Variants in IMPG1 observed in about 807,000 individuals in gnomAD.
IMPG1 encodes interphotoreceptor matrix proteoglycan 1, also known as interphotoreceptor matrix proteoglycan of 150 kDa.
In IMPG1, 85 loss-of-function variants were observed where a neutral mutation model predicts 92.0. The ratio of observed to expected loss-of-function variants is 0.92; its 90% CI spans 0.78 to 1.11. The LOEUF (loss-of-function observed/expected upper bound fraction) is 1.11, where lower values mean the gene tolerates loss of function less well. Among genes scored for constraint, IMPG1 ranks in the 50% least tolerant of loss-of-function variants. The probability of loss-of-function intolerance (pLI) is 0.00; values close to 1 mark genes in which losing one functional copy is unlikely to be tolerated. For missense variants in IMPG1, 1,022 were observed against 956.0 expected, an observed-to-expected ratio of 1.07 and a Z score of -0.91; for synonymous variants, 367 against 334.1, an observed-to-expected ratio of 1.10 and a Z score of -1.08.
chr6:75,985,997 T>G (rs1255459636), intron 12 of IMPG1, among the ~76,000 whole-genome samples: 1 of 152,160 alleles, frequency 6.6e-6, no homozygotes, highest in Admixed American at 6.6e-5. Context: ...CCAGGAACCA[T>G]GGGCAGATTG....
chr6:76,066,696 A>G (rs546251824), intron 1 of IMPG1, among the ~76,000 whole-genome samples: 2 of 152,246 alleles, frequency 1.3e-5, no homozygotes, highest in East Asian at 1.9e-4. Context: ...TGTAGACCAA[A>G]TGGACCTAAC....
intron 14 of IMPG1, among the ~76,000 whole-genome samples, chr6:75,933,103 A>C (rs1781690556): frequency 3.3e-5 from 5 of 152,218 alleles, no homozygotes; most frequent in African/African-American, 1.2e-4. Flanking sequence ...TCTATATGCT[A>C]TGCTGCAACA....
At chr6:76,027,335 C>A (rs1346370394) in intron 4 of IMPG1, among the ~76,000 whole-genome samples, 2 of 152,150 alleles carry the variant, frequency 1.3e-5, no homozygotes, top group African/African-American at 2.4e-5. Flanking sequence ...ATTAATTACA[C>A]CCTTAACTAA....
rs1464106599 is a variant in IMPG1, at chr6:76,057,935, TTCTA to T, written c.67+14483_67+14486del. Among the ~76,000 whole-genome samples the T allele has an allele frequency of 4.6e-5, 7 of 152,144 alleles. No homozygotes were observed. The East Asian group carries it at 1.4e-3, about 29-fold the overall frequency. ...AAACTTTAATAATCATTTAGATTGT[TTCTA>T]TCTTTTTCTAAATAAAGGTGTGCTT... On this transcript the variant is annotated intron_variant, in intron 1 of 16. Transcript: ENST00000369950.
At chr6:76,029,399 A>G (rs762053526) in intron 4 of IMPG1, among the ~76,000 whole-genome samples, 29 of 152,262 alleles carry the variant, frequency 1.9e-4, no homozygotes, top group Non-Finnish European at 2.4e-4. Context: ...GTTTAAAACC[A>G]AAGTCTATTT....
At chr6:76,028,636 T>A (rs986814572) in intron 4 of IMPG1, among the ~76,000 whole-genome samples, 1 of 152,168 alleles carries the variant, frequency 6.6e-6, no homozygotes, top group Non-Finnish European at 1.5e-5. Flanking sequence ...GAGATCATCC[T>A]GGCTAACATG....
intron 2 of IMPG1, among the ~76,000 whole-genome samples, chr6:76,038,124 G>T (rs765353434): frequency 6.6e-6 from 1 of 152,128 alleles, no homozygotes; most frequent in Non-Finnish European, 1.5e-5. Flanking sequence ...AGAGATTTCT[G>T]CAGGCAGTCC....
chr6:76,049,541 T>G (rs1313255138), intron 1 of IMPG1, among the ~76,000 whole-genome samples: 1 of 152,214 alleles, frequency 6.6e-6, no homozygotes, highest in African/African-American at 2.4e-5. Flanking sequence ...CCTGGTGTAT[T>G]CAATGTGTGG....
chr6:76,015,517 T>G (rs1783268858), intron 7 of IMPG1, among the ~76,000 whole-genome samples: 1 of 152,098 alleles, frequency 6.6e-6, no homozygotes, highest in Non-Finnish European at 1.5e-5. Flanking sequence ...ACATGCCCAT[T>G]TGGCTGGGTG....
intron 12 of IMPG1, among the ~76,000 whole-genome samples, chr6:75,974,330 C>CTTTCTTT (rs1782473966): frequency 4.1e-5 from 4 of 98,212 alleles, no homozygotes; most frequent in Non-Finnish European, 6.1e-5. Context: ...TCTTTCTTTC[C>CTTTCTTT]CTTTCTTTCT....
chr6:75,921,999 G>T lies in IMPG1; in HGVS notation c.*90C>A. On this transcript the variant is annotated 3_prime_UTR_variant, in exon 17 of 17. Transcript: ENST00000369950. ...GTTGACTGTATGTCTGGATTTTGAT[G>T]ACCCATGAATATGCCTGTCTCCATT... 1.5e-6 allele frequency: 1 copy of T among 668,034 alleles called. No homozygotes were observed. The highest frequency in any genetic ancestry group is 1.6e-5 in the South Asian group (1 of 62,180). The allele number at this position is 668,034 out of a possible 1,614,324, so 41.4% of individuals were successfully genotyped here.
At position 75,923,724 on chromosome 6, in the gene IMPG1, A is replaced by C; in HGVS notation, c.2244-18T>G. 6.7e-7 allele frequency: 1 copy of C among 1,495,900 alleles called. No homozygotes were observed. Among genetic ancestry groups the C allele is most frequent in the South Asian group, 1.1e-5 (1 of 87,114 alleles). The allele number at this position is 1,495,900 out of a possible 1,614,324, so 92.7% of individuals were successfully genotyped here. ...CTGGCAACCTACAAAAGAAAGCAAA[A>C]ACATAGTATCTTGTTTCTTGGGCTT... On this transcript the variant is annotated intron_variant, in intron 15 of 16. Coordinates refer to ENST00000369950, the MANE Select transcript of IMPG1 (RefSeq NM_001563.4).
rs139762772 is a variant in IMPG1 at position 76,060,543 on chromosome 6, A to G, written c.67+11879T>C. On this transcript the variant is annotated intron_variant, in intron 1 of 16. Coordinates refer to ENST00000369950, the MANE Select transcript of IMPG1 (RefSeq NM_001563.4). The stretch of plus-strand genomic sequence containing the variant: ...AGAGTGCACCCTCCTCCTTTATTAC[A>G]GGTTTCATCTGCCTTGGTGCTCTTG... Among the ~76,000 whole-genome samples the G allele has an allele frequency of 6.8e-3, 1,041 of 152,256 alleles. 9 individuals carry two copies. Among genetic ancestry groups the G allele is most frequent in the African/African-American group, 0.024 (981 of 41,576 alleles).
rs1249747608 is a variant in IMPG1, at chr6:76,002,801, G to A, written c.1291+117C>T. 4.0e-6 allele frequency: 3 copies of A among 754,416 alleles called. No homozygotes were observed. In the Admixed American group the frequency reaches 6.3e-5, roughly 16 times the overall value. The allele number at this position is 754,416 out of a possible 1,614,324, so 46.7% of individuals were successfully genotyped here. ...TTTTCTGTTGGAAATGCTGGTGGCA[G>A]TGAACCTTTTCCTGGGTTCGGGATG... On this transcript the variant is annotated intron_variant, in intron 12 of 16. Coordinates refer to ENST00000369950, the MANE Select transcript of IMPG1 (RefSeq NM_001563.4).
intron 8 of IMPG1, among the ~76,000 whole-genome samples, chr6:76,008,046 G>A (rs1575856): frequency 0.57 from 86,980 of 152,010 alleles, 26,008 homozygotes; most frequent in Non-Finnish European, 0.67. Flanking sequence ...AATTCACCAT[G>A]GGACAGCTTG....
chr6:76,040,341 T>G (rs1783814000), intron 2 of IMPG1, among the ~76,000 whole-genome samples: 1 of 152,202 alleles, frequency 6.6e-6, no homozygotes, highest in Non-Finnish European at 1.5e-5. Flanking sequence ...TTGTAAAGAA[T>G]TAGAAGTTAT....
chr6:76,055,362 G>C (rs1324833052), intron 1 of IMPG1, among the ~76,000 whole-genome samples: 5 of 151,964 alleles, frequency 3.3e-5, no homozygotes, highest in Non-Finnish European at 7.4e-5. Flanking sequence ...TTTCTGAAAT[G>C]ATAAAATTAC....
chr6:75,931,852 G>C (rs532878485), intron 14 of IMPG1, among the ~76,000 whole-genome samples: 2 of 152,320 alleles, frequency 1.3e-5, no homozygotes, highest in South Asian at 4.1e-4. Flanking sequence ...TAGAAATCAA[G>C]AGAATCTCAG....
intron 12 of IMPG1, among the ~76,000 whole-genome samples, chr6:75,993,576 C>T (rs542001997): frequency 2.0e-5 from 3 of 152,050 alleles, no homozygotes; most frequent in African/African-American, 4.8e-5. Context: ...TATAAGGGCT[C>T]GGCCCTCATG....
Sources: allele counts gnomAD v4.1 joint callset (sites outside exome capture counted in the v4.1 genomes callset), GRCh38; gene constraint gnomAD v4.1.1; transcripts MANE v1.5; gene names NCBI Gene and HGNC (gene_info 2026-07-23, HGNC 2026-07-21).